BCKDHA: variants seen among roughly 807,000 people sequenced by gnomAD.
BCKDHA encodes branched chain keto acid dehydrogenase E1 subunit alpha.
A neutral mutation model predicts 52.2 loss-of-function variants in BCKDHA; 43 were observed. That is an observed-to-expected ratio of 0.82 (90% confidence interval 0.64 to 1.06). The LOEUF (loss-of-function observed/expected upper bound fraction) is 1.06, where lower values mean the gene tolerates loss of function less well. Ranked by LOEUF, BCKDHA falls within the 50% of genes least tolerant of loss-of-function variation. The probability of loss-of-function intolerance (pLI) is 0.00; values close to 1 mark genes in which losing one functional copy is unlikely to be tolerated. For missense variants in BCKDHA, 527 were observed against 621.3 expected (o/e 0.85, Z 1.61); for synonymous variants, 234 against 247.9 (o/e 0.94, Z 0.53).
At chr19:41,417,950 G>T (rs191974212) in intron 4 of BCKDHA, among the ~76,000 whole-genome samples, 3 of 151,734 alleles carry the variant, frequency 2.0e-5, no homozygotes, top group Admixed American at 6.6e-5. Context: ...AAATTAGGTA[G>T]ATCTAGTGGT....
rs141576810 is a variant in BCKDHA at position 41,405,629 on chromosome 19, T to G, written c.109-5008T>G. On this transcript the variant is annotated intron_variant, in intron 1 of 8. Transcript: ENST00000269980. ...TTGTAGAGACGAGGTCTCACTATGT[T>G]TCCCAGGCTGGCCTCGAACTCCTGG... is the stretch of plus-strand genomic sequence containing the variant. Among the ~76,000 whole-genome samples, 944 of 152,284 alleles carry G rather than the reference T, an allele frequency of 6.2e-3. 12 individuals carry two copies. The highest frequency in any genetic ancestry group is 0.019 in the African/African-American group (776 of 41,556).
rs775471043 is a variant in BCKDHA at position 41,410,687 on chromosome 19, G to T, written c.159G>T (p.Gln53His). ...TTTCATCTCTGGATGACAAGCCCCAGTTCCCAGGGGCCTCGGCGGAGTTTA... is the reference window on the plus strand; with the variant it reads ...TTTCATCTCTGGATGACAAGCCCCATTTCCCAGGGGCCTCGGCGGAGTTTA... ...QQFSSLDDKP[Q>H]FPGASAEFID... Residue 53 changes from glutamine (Q) to histidine (H), a missense_variant, in exon 2 of 9, where the codon CAG becomes CAT. Physicochemically the swap from Gln to His is conservative, Grantham distance 24. Transcript: ENST00000269980. 1 of 1,614,074 alleles carries T rather than the reference G, an allele frequency of 6.2e-7. No homozygotes were observed. Among genetic ancestry groups the T allele is most frequent in the Non-Finnish European group, 8.5e-7 (1 of 1,180,044 alleles).
At chr19:41,413,783 C>T (rs1307729649) in intron 3 of BCKDHA, among the ~76,000 whole-genome samples, 5 of 152,174 alleles carry the variant, frequency 3.3e-5, no homozygotes, top group East Asian at 1.9e-4. Flanking sequence ...CCCATCTTTG[C>T]GCACTGGTCC....
chr19:41,417,420 T>C (rs969048469), intron 4 of BCKDHA, among the ~76,000 whole-genome samples: 1 of 152,106 alleles, frequency 6.6e-6, no homozygotes, highest in African/African-American at 2.4e-5. Flanking sequence ...CCTGTATCAG[T>C]CCCTTGGACC....
intron 8 of BCKDHA, among the ~76,000 whole-genome samples, 165 bp from the exon 9 acceptor site, chr19:41,424,273 G>A (rs1409367776): frequency 1.3e-5 from 2 of 152,194 alleles, no homozygotes; most frequent in Admixed American, 1.3e-4. Context: ...ATCCCTGCTG[G>A]GATTTGAGGG....
At chr19:41,403,440 C>T (rs892801872) in intron 1 of BCKDHA, among the ~76,000 whole-genome samples, 3 of 152,126 alleles carry the variant, frequency 2.0e-5, no homozygotes, top group African/African-American at 4.8e-5. Flanking sequence ...GTTCAGTGAG[C>T]ACATAGGTGT....
chr19:41,412,731 TC>T (rs2039269980), intron 3 of BCKDHA, among the ~76,000 whole-genome samples: 2 of 151,382 alleles, frequency 1.3e-5, no homozygotes, highest in Admixed American at 6.6e-5. Context: ...AGAGACGGAG[TC>T]CACCTCTGTC....
rs550593850 is a variant in BCKDHA, at chr19:41,423,186, C to G, written c.1167+17C>G. The G allele has an allele frequency of 1.2e-4, 187 of 1,550,414 alleles. No homozygotes were observed. The South Asian group carries it at 2.0e-3, about 17-fold the overall frequency. Reference sequence around the variant, plus strand: ...CGCAGGAAGGTGAGGGTGCCCCGCCCGGGAGGGTGTGCTGGGGGCTGCTGC... The same window carrying G: ...CGCAGGAAGGTGAGGGTGCCCCGCCGGGGAGGGTGTGCTGGGGGCTGCTGC... On this transcript the variant is annotated intron_variant, in intron 8 of 8. Coordinates refer to ENST00000269980, the MANE Select transcript of BCKDHA (RefSeq NM_000709.4).
chr19:41,421,709 G>A (rs1043603057), intron 5 of BCKDHA, among the ~76,000 whole-genome samples: 35 of 152,106 alleles, frequency 2.3e-4, no homozygotes, highest in African/African-American at 7.2e-4. Flanking sequence ...GACAGGAGCC[G>A]TGGGTGGGGA....
intron 7 of BCKDHA, 113 bp from the exon 8 acceptor site, chr19:41,422,885 C>T (rs779523442): frequency 1.3e-6 from 2 of 1,582,934 alleles, no homozygotes; most frequent in Non-Finnish European, 8.6e-7. Flanking sequence ...TTGCATCTCC[C>T]CCTTGCCTTT....
Position 41,419,286 on chromosome 19 carries a change from G to C in BCKDHA, c.636G>C (p.Gln212His). 1 of 1,613,314 alleles carries C rather than the reference G, an allele frequency of 6.2e-7. No individual in the cohort carries two copies. The highest frequency in any genetic ancestry group is 8.5e-7 in the Non-Finnish European group (1 of 1,179,660). Residue 212 changes from glutamine (Q) to histidine (H), a missense_variant, in exon 5 of 9, where the codon CAG (glutamine) becomes CAC (histidine). Gln to His is a conservative substitution (Grantham distance 24, BLOSUM62 0). Coordinates refer to ENST00000269980, the MANE Select transcript of BCKDHA (RefSeq NM_000709.4). Reference sequence around the variant, plus strand: ...CTATCTCCTCTCCACTGGCCACGCAGATCCCTCAGGGTGAGGATGCATGCC... The same window carrying C: ...CTATCTCCTCTCCACTGGCCACGCACATCCCTCAGGGTGAGGATGCATGCC... ...FVTISSPLAT[Q>H]IPQAVGAAYA...
chr19:41,397,958 GT>G lies in BCKDHA; in HGVS notation c.108+27del, dbSNP rs775120768. 15 of 1,606,972 alleles carry G rather than the reference GT, an allele frequency of 9.3e-6. No homozygotes were observed. In the South Asian group the frequency reaches 1.4e-4, roughly 15 times the overall value. ...TCTGTGAGTACCTGGGCCCCAGGCGGTTTTCCCAAAGGGGATTAGGGATGTA... is the reference window on the plus strand; with the variant it reads ...TCTGTGAGTACCTGGGCCCCAGGCGGTTTCCCAAAGGGGATTAGGGATGTA... On this transcript the variant is annotated intron_variant, in intron 1 of 8. Coordinates refer to ENST00000269980, the MANE Select transcript of BCKDHA (RefSeq NM_000709.4).
At chr19:41,420,292 C>T (rs991402108) in intron 5 of BCKDHA, among the ~76,000 whole-genome samples, 2 of 152,152 alleles carry the variant, frequency 1.3e-5, no homozygotes, top group African/African-American at 2.4e-5. Context: ...TCATTGTGGC[C>T]ATGGGGACAG....
In BCKDHA at chr19:41,422,540, T is replaced by C; in HGVS notation, c.854-89T>C. On this transcript the variant is annotated intron_variant, in intron 6 of 8. Transcript: ENST00000269980. Reference sequence around the variant, plus strand: ...TGAGGTCCTGAGCACTCAGCCTTGCTCTCTGTCCTCTCCCTGCTCGTCCCC... The same window carrying C: ...TGAGGTCCTGAGCACTCAGCCTTGCCCTCTGTCCTCTCCCTGCTCGTCCCC... The C allele has an allele frequency of 3.1e-6, 5 of 1,599,188 alleles. No individual in the cohort carries two copies. The South Asian group carries it at 5.5e-5, about 18-fold the overall frequency.
chr19:41,424,003 A>G (rs929078296), intron 8 of BCKDHA, among the ~76,000 whole-genome samples: 2 of 152,036 alleles, frequency 1.3e-5, no homozygotes, highest in Non-Finnish European at 2.9e-5. Context: ...AAAAAAAAAA[A>G]AAAGCTGGTT....
chr19:41,406,969 C>T (rs1180556112), intron 1 of BCKDHA, among the ~76,000 whole-genome samples: 1 of 152,042 alleles, frequency 6.6e-6, no homozygotes, highest in Non-Finnish European at 1.5e-5. Flanking sequence ...CTTAAGTGAT[C>T]CTCCCACCTC....
intron 5 of BCKDHA, among the ~76,000 whole-genome samples, chr19:41,419,629 A>G (rs1292935652): frequency 2.0e-5 from 3 of 151,922 alleles, no homozygotes; most frequent in African/African-American, 7.3e-5. Context: ...TTTAATAGAG[A>G]CAGGGTTTCA....
rs530972813 is a variant in BCKDHA, at chr19:41,412,380, C to CTTTTTTTTTTTTTTTTTTTTTTTTTTTT, written c.375+1389_375+1390insTTTTTTTTTTTTTTTTTTTTTTTTTTTT. Among the ~76,000 whole-genome samples the CTTTTTTTTTTTTTTTTTTTTTTTTTTTT allele has an allele frequency of 6.8e-4, 45 of 65,858 alleles. 12 individuals carry two copies. Among genetic ancestry groups the CTTTTTTTTTTTTTTTTTTTTTTTTTTTT allele is most frequent in the Non-Finnish European group, 8.3e-4 (27 of 32,586 alleles). The allele number at this position is 65,858 out of a possible 152,430, so 43.2% of individuals were successfully genotyped here. ...TCATTCCCTCTGTCTGTAGATATTT[C>CTTTTTTTTTTTTTTTTTTTTTTTTTTTT]TTTTTTTTTTTTTTTTTTACTTTTG... is the stretch of plus-strand genomic sequence containing the variant. On this transcript the variant is annotated intron_variant, in intron 3 of 8. Coordinates refer to ENST00000269980, the MANE Select transcript of BCKDHA (RefSeq NM_000709.4).
At chr19:41,416,236 C>T (rs1269590272) in intron 4 of BCKDHA, among the ~76,000 whole-genome samples, 4 of 152,164 alleles carry the variant, frequency 2.6e-5, no homozygotes, top group African/African-American at 4.8e-5. Flanking sequence ...TGAGCCACCG[C>T]GCCGGGCCAG....
Sources: gnomAD v4.1 joint callset for allele counts (sites outside exome capture counted in the v4.1 genomes callset) on GRCh38, gnomAD v4.1.1 for gene constraint, MANE v1.5 for transcripts, NCBI Gene and HGNC (gene_info 2026-07-23, HGNC 2026-07-21) for gene names.